GNS: variants seen among roughly 807,000 people sequenced by gnomAD.
GNS encodes the protein N-acetylglucosamine-6-sulfatase.
In GNS, 40 loss-of-function variants were observed where a neutral mutation model predicts 69.7. That is an observed-to-expected ratio of 0.57 (90% CI 0.45 to 0.75). GNS has a LOEUF of 0.75. GNS is among the 30% of genes least tolerant of loss of function. GNS has a pLI of 0.00. For synonymous variants in GNS, 243 were observed against 251.6 expected, an observed-to-expected ratio of 0.97 and a Z score of 0.32; for missense variants, 565 against 685.5, an observed-to-expected ratio of 0.82 and a Z score of 1.96.
rs182464515 is a variant in GNS, at chr12:64,738,379, A to G, written c.994+1002T>C. On this transcript the variant is annotated intron_variant, in intron 8 of 13. Coordinates refer to ENST00000258145, the MANE Select transcript of GNS (RefSeq NM_002076.4). The stretch of plus-strand genomic sequence containing the variant: ...GGTGTTGAATCCTGGAGTCATGTGT[A>G]TGGGAGTTGCTTCAAAACCTTCTAG... Among the ~76,000 whole-genome samples, 651 of 152,308 alleles carry G rather than the reference A, an allele frequency of 4.3e-3. 9 individuals are homozygous for G. Among genetic ancestry groups the G allele is most frequent in the Non-Finnish European group, 2.7e-3 (186 of 68,020 alleles).
chr12:64,736,839 G>A (rs1433766604), intron 9 of GNS, among the ~76,000 whole-genome samples, 165 bp downstream of exon 9: 3 of 151,952 alleles, frequency 2.0e-5, no homozygotes, highest in African/African-American at 7.3e-5. Context: ...AGAGCAGTGG[G>A]AAGTTAAGGA....
In GNS at chr12:64,720,107, G is replaced by C. The variant is rs1356639261; in HGVS notation, c.1495C>G (p.Leu499Val). The change falls in exon 13 of 14, where the codon CTT becomes GTT. Residue 499 changes from leucine (L) to valine (V), a missense_variant. Transcript: ENST00000258145. ...TNIAKTIDPE[L>V]LGKMNYRLMM... ...AACCGATAGTTCATCTTTCCTAAAAGCTCTGGGTCTATGGTTTTAGCAATG... is the reference window on the plus strand; with the variant it reads ...AACCGATAGTTCATCTTTCCTAAAACCTCTGGGTCTATGGTTTTAGCAATG... 1.9e-6 allele frequency: 3 copies of C among 1,606,520 alleles called. No homozygotes were observed. The highest frequency in any genetic ancestry group is 2.6e-6 in the Non-Finnish European group (3 of 1,173,102).
chr12:64,747,927 G>T lies in GNS; in HGVS notation c.253-9C>A. Reference sequence around the variant, plus strand: ...AGAGCACTTGGCACATACTACAAAGGAAAGGAAGCAAAAACGACAAAGTCA... The same window carrying T: ...AGAGCACTTGGCACATACTACAAAGTAAAGGAAGCAAAAACGACAAAGTCA... On this transcript the variant is annotated splice_polypyrimidine_tract_variant and intron_variant, in intron 2 of 13. Coordinates refer to ENST00000258145, the MANE Select transcript of GNS (RefSeq NM_002076.4). 7.9e-6 allele frequency: 12 copies of T among 1,521,008 alleles called. No individual in the cohort carries two copies. Among genetic ancestry groups the T allele is most frequent in the East Asian group, 2.3e-5 (1 of 44,156 alleles). 94.2% of individuals were successfully genotyped at this position (1,521,008 alleles called of 1,614,324 possible).
At position 64,754,305 on chromosome 12, in the gene GNS, G is replaced by A. The variant is rs1360709882; in HGVS notation, c.193-1548C>T. ...AAACCAGGATGATGTGATTACAGCT[G>A]GTGGGAAGAAAGGGGAACTACTTTA... On this transcript the variant is annotated intron_variant, in intron 1 of 13. Transcript: ENST00000258145. Among the ~76,000 whole-genome samples, 12 of 152,186 alleles carry A rather than the reference G, an allele frequency of 7.9e-5. 1 individual carries two copies. Among genetic ancestry groups the A allele is most frequent in the Admixed American group, 5.9e-4 (9 of 15,276 alleles).
At position 64,729,061 on chromosome 12, in the gene GNS, T is replaced by C. The variant is rs1221669137; in HGVS notation, c.1099-4A>G. 1.3e-6 allele frequency: 2 copies of C among 1,484,002 alleles called. No homozygotes were observed. The highest frequency in any genetic ancestry group is 9.4e-7 in the Non-Finnish European group (1 of 1,061,410). 91.9% of individuals were successfully genotyped at this position (1,484,002 alleles called of 1,614,324 possible). On this transcript the variant is annotated splice_polypyrimidine_tract_variant and splice_region_variant and intron_variant, in intron 9 of 13. Transcript: ENST00000258145. ...AGTCAATGTTGGCAACCAGCATCTATGAGAATGAGGGAAAAACAATCTAGA... is the reference window on the plus strand; with the variant it reads ...AGTCAATGTTGGCAACCAGCATCTACGAGAATGAGGGAAAAACAATCTAGA...
chr12:64,745,564 A>G, intron 4 of GNS, 95 bp downstream of exon 4: 1 of 862,990 alleles, frequency 1.2e-6, no homozygotes, highest in Non-Finnish European at 2.0e-6. Context: ...TAATTGTAAA[A>G]GCAAATAAAG....
chr12:64,748,524 A>T (rs1214773653), intron 2 of GNS, among the ~76,000 whole-genome samples: 1 of 152,052 alleles, frequency 6.6e-6, no homozygotes. Flanking sequence ...TAATATTTAT[A>T]CACAGGGGGC....
At chr12:64,732,634 G>C (rs1487217652) in intron 9 of GNS, among the ~76,000 whole-genome samples, 1 of 148,306 alleles carries the variant, frequency 6.7e-6, no homozygotes, top group Non-Finnish European at 1.5e-5. Flanking sequence ...CTAATTTTTT[G>C]TATTTTTTAG....
intron 11 of GNS, among the ~76,000 whole-genome samples, chr12:64,722,238 G>A (rs936713942): frequency 2.6e-5 from 4 of 151,976 alleles, no homozygotes; most frequent in East Asian, 1.9e-4. Context: ...GGCTGGTCTC[G>A]AACTCCTGAC....
intron 6 of GNS, among the ~76,000 whole-genome samples, chr12:64,740,938 C>T (rs897833188): frequency 7.9e-5 from 12 of 152,156 alleles, no homozygotes; most frequent in African/African-American, 2.7e-4. Flanking sequence ...AAGGTCTTGG[C>T]TTCTCTGTTG....
In GNS at chr12:64,739,395, T is replaced by C. The variant is rs778927646; in HGVS notation, c.980A>G (p.Asn327Ser). 18 of 1,514,410 alleles carry C rather than the reference T, an allele frequency of 1.2e-5. No individual in the cohort carries two copies. Among genetic ancestry groups the C allele is most frequent in the Non-Finnish European group, 1.7e-5 (18 of 1,089,100 alleles). 93.8% of individuals were successfully genotyped at this position (1,514,410 alleles called of 1,614,324 possible). The change falls in exon 8 of 14, where the codon AAT (asparagine) becomes AGT (serine). Residue 327 changes from asparagine to serine, a missense_variant. Physicochemically the swap from Asn to Ser is conservative, Grantham distance 46 (BLOSUM62 1). Transcript: ENST00000258145. Reference protein sequence around the residue: ...NNTYIFYTSDNGYHTGQFSLP... With the variant: ...NNTYIFYTSDSGYHTGQFSLP... The stretch of plus-strand genomic sequence containing the variant: ...CTGCCTCTGACCTGTGTGATAGCCA[T>C]TGTCTGAGGTATAGAAGATGTAAGT...
intron 10 of GNS, among the ~76,000 whole-genome samples, chr12:64,725,479 G>A (rs974652428): frequency 3.9e-5 from 6 of 152,194 alleles, no homozygotes; most frequent in African/African-American, 1.2e-4. Flanking sequence ...ATGATGTGCA[G>A]CTAGTGCAAC....
chr12:64,751,684 T>G (rs897809005), intron 2 of GNS, among the ~76,000 whole-genome samples: 1 of 152,114 alleles, frequency 6.6e-6, no homozygotes, highest in African/African-American at 2.4e-5. Flanking sequence ...ATGTAGTATT[T>G]ACTATAAGAA....
At chr12:64,744,567 T>A (rs1869842146) in intron 5 of GNS, among the ~76,000 whole-genome samples, 2 of 152,130 alleles carry the variant, frequency 1.3e-5, no homozygotes, top group Admixed American at 1.3e-4. Context: ...AGATTAACCT[T>A]TGGAAAAGGG....
chr12:64,716,862 TCTCA>T (rs1868874672), intron 13 of GNS, 43 bp from the exon 14 acceptor site: 6 of 1,177,680 alleles, frequency 5.1e-6, no homozygotes, highest in Non-Finnish European at 6.4e-6. Flanking sequence ...CTCACTAGCT[TCTCA>T]CTCAGAATAT....
Position 64,759,145 on chromosome 12 carries a change from G to A in GNS, c.132C>T (p.Thr44=). Residue 44 remains threonine (T), a synonymous_variant, in exon 1 of 14, where the codon ACC becomes ACT. Transcript: ENST00000258145. ...CLGVFGVAAG[T]RRPNVVLLLT... ...GGAGCAGCACCACGTTGGGCCTCCG[G>A]GTTCCCGCAGCCACCCCGAAGACCC... The A allele has an allele frequency of 6.4e-7, 1 of 1,558,356 alleles. No homozygotes were observed. The highest frequency in any genetic ancestry group is 8.7e-7 in the Non-Finnish European group (1 of 1,151,546).
chr12:64,738,926 A>G (rs1869637753), intron 8 of GNS, among the ~76,000 whole-genome samples: 2 of 152,200 alleles, frequency 1.3e-5, no homozygotes, highest in South Asian at 4.1e-4. Context: ...ATATGTGGAA[A>G]GAAGAAAACA....
chr12:64,741,296 C>T (rs949669977), intron 6 of GNS, among the ~76,000 whole-genome samples: 7 of 151,706 alleles, frequency 4.6e-5, no homozygotes, highest in Non-Finnish European at 7.4e-5. Flanking sequence ...TGCATTGAGC[C>T]GAGATCGCAC....
chr12:64,750,173 A>C (rs1203182659), intron 2 of GNS, among the ~76,000 whole-genome samples: 1 of 152,070 alleles, frequency 6.6e-6, no homozygotes, highest in East Asian at 1.9e-4. Flanking sequence ...CAGCCTCCCA[A>C]GTAGCTGGGC....
Sources: allele counts gnomAD v4.1 joint callset (sites outside exome capture counted in the v4.1 genomes callset), GRCh38; gene constraint gnomAD v4.1.1; transcripts MANE v1.5; gene names NCBI Gene and HGNC (gene_info 2026-07-23, HGNC 2026-07-21).